Variants in GEMIN2 observed in about 807,000 individuals in gnomAD.
GEMIN2 encodes gem-associated protein 2.
A neutral mutation model predicts 45.8 loss-of-function variants in GEMIN2; 37 were observed. That is an observed-to-expected ratio of 0.81 (90% CI 0.62 to 1.06). The LOEUF is 1.06. Ranked by LOEUF, GEMIN2 falls within the 50% of genes least tolerant of loss-of-function variation. GEMIN2 has a pLI of 0.00. For synonymous variants in GEMIN2, 101 were observed against 111.5 expected (o/e 0.91, Z 0.60); for missense variants, 335 against 321.8 (o/e 1.04, Z -0.31).
intron 8 of GEMIN2, among the ~76,000 whole-genome samples, chr14:39,132,389 G>A (rs1256706784): frequency 6.6e-6 from 1 of 151,888 alleles, no homozygotes; most frequent in Non-Finnish European, 1.5e-5. Context: ...AATTTAGCTG[G>A]GTGTGGTGGT....
chr14:39,125,415 T>C (rs1383603821), intron 6 of GEMIN2, among the ~76,000 whole-genome samples: 1 of 152,126 alleles, frequency 6.6e-6, no homozygotes, highest in African/African-American at 2.4e-5. Flanking sequence ...AAATACAAGG[T>C]CCCTGACTTA....
intron 4 of GEMIN2, 89 bp from the exon 5 acceptor site, chr14:39,122,341 A>C (rs2052583179): frequency 1.5e-6 from 1 of 667,622 alleles, no homozygotes. Context: ...CGGTAATGGG[A>C]ATATGGAAGG....
At chr14:39,127,999 C>T (rs572724769) in intron 6 of GEMIN2, among the ~76,000 whole-genome samples, 237 of 130,386 alleles carry the variant, frequency 1.8e-3, no homozygotes, top group African/African-American at 5.4e-3. Flanking sequence ...ACCCGGGAGG[C>T]GGAGGTTGCA....
chr14:39,114,736 C>T, intron 1 of GEMIN2, 93 bp from the exon 2 acceptor site: 1 of 768,210 alleles, frequency 1.3e-6, no homozygotes, highest in South Asian at 1.6e-5. Flanking sequence ...TTTCTGATTT[C>T]ACAATGAACT....
intron 6 of GEMIN2, among the ~76,000 whole-genome samples, chr14:39,127,026 G>T (rs947867815): frequency 6.6e-6 from 1 of 150,730 alleles, no homozygotes; most frequent in Admixed American, 6.6e-5. Context: ...GCCTCCCAAA[G>T]TGCTGGGATT....
At position 39,128,067 on chromosome 14, in the gene GEMIN2, C is replaced by CAAAAAAAAAAA. The variant is rs1212260025; in HGVS notation, c.532-197_532-187dup. 8.5e-4 allele frequency among the ~76,000 whole-genome samples: 9 copies of CAAAAAAAAAAA among 10,564 alleles called. 4 individuals are homozygous for CAAAAAAAAAAA. Among genetic ancestry groups the CAAAAAAAAAAA allele is most frequent in the Non-Finnish European group, 1.3e-3 (4 of 3,086 alleles). The allele number at this position is 10,564 out of a possible 152,430, so 6.9% of individuals were successfully genotyped here. ...TGGGCAACAGAGTGAGACTCTATCT[C>CAAAAAAAAAAA]AAAAAAAAAAAAAAAAAAAAAAAAA... On this transcript the variant is annotated intron_variant, in intron 6 of 9. Transcript: ENST00000308317.
At chr14:39,117,617 T>A (rs1057091726) in intron 2 of GEMIN2, among the ~76,000 whole-genome samples, 33 of 152,218 alleles carry the variant, frequency 2.2e-4, no homozygotes, top group African/African-American at 7.7e-4. Flanking sequence ...AACTCATTCC[T>A]TCTAACTGTA....
chr14:39,131,426 G>T (rs377504802), intron 7 of GEMIN2, among the ~76,000 whole-genome samples: 75 of 152,152 alleles, frequency 4.9e-4, no homozygotes, highest in Admixed American at 1.2e-3. Flanking sequence ...CAGTTTTTCT[G>T]CATCAAATAT....
Position 39,114,342 on chromosome 14 carries a change from G to A in GEMIN2, c.4G>A (p.Ala2Thr). 1.2e-6 allele frequency: 2 copies of A among 1,614,098 alleles called. No homozygotes were observed. The highest frequency in any genetic ancestry group is 1.7e-6 in the Non-Finnish European group (2 of 1,179,952). Residue 2 changes from alanine to threonine, a missense_variant, in exon 1 of 10, where the codon GCG (alanine) becomes ACG (threonine). Transcript: ENST00000308317. MAWVPAESAVEE... is the reference protein window; with the variant it reads MTWVPAESAVEE... ...GGAACTGGCTGGTTTGAAAACCATG[G>A]CGTGGGTACCAGCGGAGTCCGCAGT... is the stretch of plus-strand genomic sequence containing the variant.
intron 8 of GEMIN2, among the ~76,000 whole-genome samples, chr14:39,132,994 G>A (rs2052737734): frequency 8.3e-6 from 1 of 120,294 alleles, no homozygotes. Flanking sequence ...GTGTGTGTGT[G>A]TGTGTGTATA....
At chr14:39,123,183 T>G (rs1011052618) in intron 5 of GEMIN2, among the ~76,000 whole-genome samples, 3 of 152,204 alleles carry the variant, frequency 2.0e-5, no homozygotes, top group African/African-American at 7.2e-5. Flanking sequence ...AGGTGTTCCT[T>G]GAGAATCCAG....
intron 7 of GEMIN2, among the ~76,000 whole-genome samples, chr14:39,129,916 C>T (rs1397190297): frequency 6.9e-6 from 1 of 145,512 alleles, no homozygotes; most frequent in Non-Finnish European, 1.5e-5. Flanking sequence ...AACTCCTTAT[C>T]TCATTGCAGA....
rs780312539 is a variant in GEMIN2, at chr14:39,118,067, A to G, written c.291A>G (p.Ala97=). The change falls in exon 3 of 10, where the codon GCA becomes GCG. Residue 97 remains alanine (A), a synonymous_variant. Coordinates refer to ENST00000308317, the MANE Select transcript of GEMIN2 (RefSeq NM_003616.3). ...TTCAATGGCAACAGCAACAAGTGGCACAGTTTTCAACTGTTCGACAGGTAA... is the reference window on the plus strand; with the variant it reads ...TTCAATGGCAACAGCAACAAGTGGCGCAGTTTTCAACTGTTCGACAGGTAA... ...PTLQWQQQQV[A]QFSTVRQNVN... is the part of the protein sequence containing the mutation. 1 of 1,595,524 alleles carries G rather than the reference A, an allele frequency of 6.3e-7. No individual in the cohort carries two copies. Among genetic ancestry groups the G allele is most frequent in the Admixed American group, 1.7e-5 (1 of 58,942 alleles).
Position 39,117,062 on chromosome 14 carries a change from G to A in GEMIN2, c.223-937G>A, listed in dbSNP as rs576771666. 1.5e-4 allele frequency among the ~76,000 whole-genome samples: 23 copies of A among 152,130 alleles called. No individual in the cohort carries two copies. The East Asian group carries it at 4.1e-3, about 27-fold the overall frequency. On this transcript the variant is annotated intron_variant, in intron 2 of 9. Coordinates refer to ENST00000308317, the MANE Select transcript of GEMIN2 (RefSeq NM_003616.3). ...CCAAGTCAGGCGGATCACCTGAGGT[G>A]GGGAGTTCAAGACCAGCCCGACCAA...
intron 2 of GEMIN2, among the ~76,000 whole-genome samples, chr14:39,115,896 A>G (rs758373594): frequency 1.3e-5 from 2 of 152,226 alleles, no homozygotes; most frequent in African/African-American, 2.4e-5. Context: ...ACCCTTGTAG[A>G]GTTTACATAC....
intron 6 of GEMIN2, 72 bp downstream of exon 6, chr14:39,125,108 C>A: frequency 1.3e-6 from 1 of 777,466 alleles, no homozygotes; most frequent in Non-Finnish European, 2.3e-6. Flanking sequence ...ATTGTTAATA[C>A]ATATACTGAA....
chr14:39,116,447 C>T (rs2052508034), intron 2 of GEMIN2, among the ~76,000 whole-genome samples: 1 of 145,936 alleles, frequency 6.9e-6, no homozygotes, highest in Non-Finnish European at 1.5e-5. Flanking sequence ...CTCAGAGTCT[C>T]GCTCTGTCGC....
Position 39,136,642 on chromosome 14 carries a change from G to A in GEMIN2, c.*163G>A, listed in dbSNP as rs76588905. The A allele has an allele frequency of 4.6e-4, 243 of 531,382 alleles. No homozygotes were observed. The highest frequency in any genetic ancestry group is 4.2e-3 in the African/African-American group (217 of 51,926). 32.9% of individuals were successfully genotyped at this position (531,382 alleles called of 1,614,324 possible). On this transcript the variant is annotated 3_prime_UTR_variant, in exon 10 of 10. Transcript: ENST00000308317. ...CAGATTGATACTCAGAATATGGGTT[G>A]ATTTGAATATCTGAAATATCAATGG...
chr14:39,122,945 G>C (rs887479229), intron 5 of GEMIN2, among the ~76,000 whole-genome samples: 1 of 152,046 alleles, frequency 6.6e-6, no homozygotes, highest in Non-Finnish European at 1.5e-5. Context: ...TTTAAATGAT[G>C]AGGCATCAGG....
Sources: gnomAD v4.1 joint callset for allele counts (sites outside exome capture counted in the v4.1 genomes callset) on GRCh38, gnomAD v4.1.1 for gene constraint, MANE v1.5 for transcripts, NCBI Gene and HGNC (gene_info 2026-07-23, HGNC 2026-07-21) for gene names.